The following DOT1L variants were observed in gnomAD, a reference collection of about 807,000 sequenced individuals.
The protein encoded by DOT1L is DOT1 like histone lysine methyltransferase, also known as histone-lysine N-methyltransferase, H3 lysine-79 specific.
A neutral mutation model predicts 153.3 loss-of-function variants in DOT1L; 33 were observed. The ratio of observed to expected loss-of-function variants is 0.22; its 90% confidence interval spans 0.16 to 0.29. DOT1L has a LOEUF of 0.29. Ranked by LOEUF, DOT1L falls within the 10% of genes least tolerant of loss-of-function variation. The pLI, the probability that DOT1L is intolerant of heterozygous loss-of-function variation, is 1.00. For synonymous variants in DOT1L, 1,135 were observed against 965.1 expected (o/e 1.18, Z -3.26); for missense variants, 1,847 against 2,119.9 (o/e 0.87, Z 2.53).
At chr19:2,209,952 C>T (rs902084231) in intron 12 of DOT1L, among the ~76,000 whole-genome samples, 5 of 152,188 alleles carry the variant, frequency 3.3e-5, no homozygotes, top group African/African-American at 7.2e-5. Context: ...CCGTGGGTCG[C>T]GCCCTCCACT....
chr19:2,191,239 C>T lies in DOT1L; in HGVS notation c.492C>T (p.Ser164=), dbSNP rs200726568. The T allele has an allele frequency of 1.3e-4, 205 of 1,613,198 alleles. No individual in the cohort carries two copies. The African/African-American group carries it at 2.2e-3, about 17-fold the overall frequency. ...ACGACCTGTTTGTGGACTTGGGGAGCGGTGAGTGTCGCCCGCCATGCCCGG... is the reference window on the plus strand; with the variant it reads ...ACGACCTGTTTGTGGACTTGGGGAGTGGTGAGTGTCGCCCGCCATGCCCGG... ...TDDDLFVDLG[S]GVGQVVLQVA... Residue 164 remains serine (S), a splice_region_variant and synonymous_variant, in exon 5 of 28, where the codon AGC becomes AGT. Coordinates refer to ENST00000398665, the MANE Select transcript of DOT1L (RefSeq NM_032482.3). This position sits in a 1 kb window ranked among gnomAD's most constrained non-coding sequence, Gnocchi z 6.8.
intron 20 of DOT1L, 34 bp from the exon 21 acceptor site, chr19:2,216,921 G>A (rs756214434): frequency 7.6e-6 from 12 of 1,588,816 alleles, no homozygotes; most frequent in African/African-American, 4.0e-5. Flanking sequence ...GCCAGCCCAC[G>A]GCCCTCGAGA....
chr19:2,227,824 T>C, intron 27 of DOT1L: 1 of 1,298,136 alleles, frequency 7.7e-7, no homozygotes, highest in Non-Finnish European at 1.0e-6. Context: ...AGCGCCACAC[T>C]GGGCCCGAGC....
Position 2,169,865 on chromosome 19 carries a change from A to T in DOT1L, c.81+5600A>T, listed in dbSNP as rs1269839483. On this transcript the variant is annotated intron_variant, in intron 1 of 27. Transcript: ENST00000398665. ...AAAATAAAAAGTTTAATTAAAAAAA[A>T]CACACGGTTGCCCAGGCACGGTGGC... 2.6e-5 allele frequency among the ~76,000 whole-genome samples: 4 copies of T among 152,166 alleles called. No individual in the cohort carries two copies. In the South Asian group the frequency reaches 8.3e-4, roughly 31 times the overall value.
chr19:2,228,076 C>T (rs1350060243), intron 27 of DOT1L: 3 of 1,329,060 alleles, frequency 2.3e-6, no homozygotes, highest in Non-Finnish European at 3.0e-6. Flanking sequence ...AGCCTCGCGT[C>T]CCTCCCGCCT....
chr19:2,205,185 A>T (rs1157119599), intron 9 of DOT1L, among the ~76,000 whole-genome samples: 3 of 151,868 alleles, frequency 2.0e-5, no homozygotes, highest in African/African-American at 7.3e-5. Context: ...GTTAGCCAGG[A>T]TGGTCTCGAT....
At chr19:2,196,069 C>T (rs193055717) in intron 7 of DOT1L, among the ~76,000 whole-genome samples, 12 of 152,372 alleles carry the variant, frequency 7.9e-5, no homozygotes, top group South Asian at 2.1e-4. Context: ...TTCCTCGGAT[C>T]GCCGTGAGGC....
chr19:2,164,056 A>T lies in DOT1L; in HGVS notation c.-129A>T. On this transcript the variant is annotated 5_prime_UTR_variant, in exon 1 of 28. Coordinates refer to ENST00000398665, the MANE Select transcript of DOT1L (RefSeq NM_032482.3). The stretch of plus-strand genomic sequence containing the variant: ...GCGGCGGCGGCGGCGGCGGCGGCCG[A>T]GGCCGAGGCCAGGCCCCCTCCCCTC... 1 of 506,668 alleles carries T rather than the reference A, an allele frequency of 2.0e-6. No individual in the cohort carries two copies. The highest frequency in any genetic ancestry group is 2.6e-6 in the Non-Finnish European group (1 of 381,128). The allele number at this position is 506,668 out of a possible 1,614,324, so 31.4% of individuals were successfully genotyped here. A position where few individuals can be genotyped will look rare whatever the true frequency, so the allele number is the denominator to read the frequency against.
chr19:2,207,590 G>T lies in DOT1L; in HGVS notation c.873G>T (p.Met291Ile). 1 of 1,611,256 alleles carries T rather than the reference G, an allele frequency of 6.2e-7. No individual in the cohort carries two copies. Among genetic ancestry groups the T allele is most frequent in the Non-Finnish European group, 8.5e-7 (1 of 1,179,616 alleles). The change falls in exon 11 of 28, where the codon ATG becomes ATT. Residue 291 changes from methionine to isoleucine, a missense_variant. Met to Ile is a conservative substitution (Grantham distance 10). Transcript: ENST00000398665. The surrounding 1 kb of genome is among the most constrained non-coding windows in gnomAD (Gnocchi z 4.5). Reference protein sequence around the residue: ...SRNLSDIGTIMRVVELSPLKG... With the variant: ...SRNLSDIGTIIRVVELSPLKG... ...CTCCTGCAGACATCGGCACCATCAT[G>T]CGCGTGGTGGAGCTCTCGCCCCTGA...
chr19:2,199,289 C>T (rs1265605241), intron 7 of DOT1L, among the ~76,000 whole-genome samples: 1 of 152,210 alleles, frequency 6.6e-6, no homozygotes, highest in Non-Finnish European at 1.5e-5. Flanking sequence ...CAGCGGTGCT[C>T]AGGGCAGACG....
chr19:2,228,901 C>G lies in DOT1L; in HGVS notation c.4607-884C>G, dbSNP rs181230051. 1.2e-4 allele frequency: 117 copies of G among 985,394 alleles called. 2 individuals carry two copies. In the African/African-American group the frequency reaches 1.9e-3, roughly 16 times the overall value. The allele number at this position is 985,394 out of a possible 1,614,324, so 61.0% of individuals were successfully genotyped here. A position where few individuals can be genotyped will look rare whatever the true frequency, so the allele number is the denominator to read the frequency against. On this transcript the variant is annotated intron_variant, in intron 27 of 27. Coordinates refer to ENST00000398665, the MANE Select transcript of DOT1L (RefSeq NM_032482.3). ...GCTGTCTGGCCAGTAGCCTCGGATG[C>G]CCTCATAGGGAGCCAGTGAAGCCCC...
At chr19:2,187,012 A>G (rs1376667834) in intron 3 of DOT1L, among the ~76,000 whole-genome samples, 1 of 152,094 alleles carries the variant, frequency 6.6e-6, no homozygotes, top group Non-Finnish European at 1.5e-5. Flanking sequence ...AAAGCTCTGC[A>G]CCCTGTGCTT....
rs2024163320 is a variant in DOT1L at position 2,222,566 on chromosome 19, A to T, written c.3390+7A>T. ...CCTCAACCTCAACTCCATGGTAAGG[A>T]TGGGGACCGGCAGGGCTGGGGAGCG... On this transcript the variant is annotated splice_region_variant and intron_variant, in intron 24 of 27. Transcript: ENST00000398665. The surrounding 1 kb of genome is among the most constrained non-coding windows in gnomAD (Gnocchi z 6.5). 2.0e-6 allele frequency: 3 copies of T among 1,533,844 alleles called. No individual in the cohort carries two copies. Among genetic ancestry groups the T allele is most frequent in the Non-Finnish European group, 2.6e-6 (3 of 1,144,460 alleles).
At chr19:2,169,461 T>G (rs2020046649) in intron 1 of DOT1L, among the ~76,000 whole-genome samples, 1 of 152,040 alleles carries the variant, frequency 6.6e-6, no homozygotes, top group African/African-American at 2.4e-5. Context: ...GTCCAGAAAC[T>G]CTGCAGATGA....
At chr19:2,227,854 G>C (rs915919201) in intron 27 of DOT1L, 2 of 1,286,076 alleles carry the variant, frequency 1.6e-6, no homozygotes, top group Admixed American at 2.3e-5. Flanking sequence ...GCGGCGGCCA[G>C]CGCCTCGGCC....
At chr19:2,189,894 T>G in intron 4 of DOT1L, 99 bp downstream of exon 4, 2 of 1,312,964 alleles carry the variant, frequency 1.5e-6, no homozygotes, top group Non-Finnish European at 2.2e-6. Flanking sequence ...GAGCTCCCCT[T>G]AGAGCCCCTG....
intron 1 of DOT1L, among the ~76,000 whole-genome samples, chr19:2,169,287 C>G (rs1270215890): frequency 6.6e-6 from 1 of 152,104 alleles, no homozygotes; most frequent in Admixed American, 6.5e-5. Flanking sequence ...CCCAGCTCCC[C>G]CGGAGGCAGA....
rs1351923408 is a variant in DOT1L, at chr19:2,230,289, G to A, written c.*497G>A. On this transcript the variant is annotated 3_prime_UTR_variant, in exon 28 of 28. Transcript: ENST00000398665. ...CCCGACGCGCTGCTCCCGTACCAAA[G>A]GCAGGCCCGTCGCCACCACATTCCT... The A allele has an allele frequency of 1.4e-5, 6 of 418,228 alleles. No homozygotes were observed. Among genetic ancestry groups the A allele is most frequent in the African/African-American group, 1.2e-4 (6 of 48,706 alleles). The allele number at this position is 418,228 out of a possible 1,614,324, so 25.9% of individuals were successfully genotyped here. A position where few individuals can be genotyped will look rare whatever the true frequency, so the allele number is the denominator to read the frequency against.
intron 24 of DOT1L, 93 bp from the exon 25 acceptor site, chr19:2,223,188 G>A (rs1206995267): frequency 9.3e-6 from 13 of 1,401,162 alleles, no homozygotes; most frequent in Non-Finnish European, 1.3e-5. Context: ...AGACCCTGGG[G>A]TGCAGACAGG....
Sources: gnomAD v4.1 joint callset for allele counts (sites outside exome capture counted in the v4.1 genomes callset) on GRCh38, gnomAD v4.1.1 for gene constraint, Gnocchi (gnomAD v3.1) non-coding constraint, MANE v1.5 for transcripts, NCBI Gene and HGNC (gene_info 2026-07-23, HGNC 2026-07-21) for gene names.